SIPA1L2: variants seen among roughly 807,000 people sequenced by gnomAD.
SIPA1L2 encodes the protein signal induced proliferation associated 1 like 2, also known as signal-induced proliferation-associated 1-like protein 2.
A neutral mutation model predicts 163.9 loss-of-function variants in SIPA1L2; 56 were observed. The ratio of observed to expected loss-of-function variants is 0.34; its 90% CI spans 0.28 to 0.43. SIPA1L2 has a LOEUF of 0.43. Among genes scored for constraint, SIPA1L2 ranks in the 20% least tolerant of loss-of-function variants. The pLI, the probability that SIPA1L2 is intolerant of heterozygous loss-of-function variation, is 1.00. For synonymous variants in SIPA1L2, 877 were observed against 865.7 expected (o/e 1.01, Z -0.23); for missense variants, 1,974 against 2,193.5 (o/e 0.90, Z 2.00).
chr1:232,533,542 T>C (rs1657113450), intron 2 of SIPA1L2, among the ~76,000 whole-genome samples: 1 of 152,216 alleles, frequency 6.6e-6, no homozygotes, highest in African/African-American at 2.4e-5. Flanking sequence ...ATGGTGGATA[T>C]AAGGTTTCAG....
intron 3 of SIPA1L2, among the ~76,000 whole-genome samples, chr1:232,500,848 C>T (rs1206881763): frequency 4.6e-5 from 7 of 152,146 alleles, no homozygotes; most frequent in African/African-American, 9.6e-5. Flanking sequence ...TCGTATGTTA[C>T]GGAAAAATCT....
At chr1:232,529,002 A>T (rs1489507174) in intron 2 of SIPA1L2, among the ~76,000 whole-genome samples, 1 of 152,210 alleles carries the variant, frequency 6.6e-6, no homozygotes, top group Non-Finnish European at 1.5e-5. Flanking sequence ...CCCACTTTAT[A>T]AACCCAGAAG....
At chr1:232,507,314 G>A (rs571917826) in intron 3 of SIPA1L2, among the ~76,000 whole-genome samples, 79 of 152,202 alleles carry the variant, frequency 5.2e-4, no homozygotes, top group Non-Finnish European at 7.8e-4. Flanking sequence ...TATAGATTTG[G>A]AGAGGAAGCC....
At chr1:232,448,823 A>G (rs993601852) in intron 10 of SIPA1L2, among the ~76,000 whole-genome samples, 4 of 152,214 alleles carry the variant, frequency 2.6e-5, no homozygotes, top group African/African-American at 9.6e-5. Context: ...AGGTCCACAC[A>G]GCGCCTGGCC....
intron 14 of SIPA1L2, among the ~76,000 whole-genome samples, chr1:232,440,526 C>A (rs953009367): frequency 6.6e-6 from 1 of 152,200 alleles, no homozygotes; most frequent in Non-Finnish European, 1.5e-5. Flanking sequence ...TGACTCAAGA[C>A]AAGGTCGCGG....
rs34779799 is a variant in SIPA1L2 at position 232,528,102 on chromosome 1, A to ATATATATC, written c.-269-12495_-269-12494insGATATATA. Among the ~76,000 whole-genome samples the ATATATATC allele has an allele frequency of 8.8e-3, 1,048 of 118,528 alleles. 169 individuals are homozygous for ATATATATC. The highest frequency in any genetic ancestry group is 0.015 in the South Asian group (55 of 3,644). 77.8% of individuals were successfully genotyped at this position (118,528 alleles called of 152,430 possible). A position where few individuals can be genotyped will look rare whatever the true frequency, so the allele number is the denominator to read the frequency against. The stretch of plus-strand genomic sequence containing the variant: ...TTTATATATATATATATATATATAT[A>ATATATATC]ATCAACTTTCTAAAAACCACAGGTA... On this transcript the variant is annotated intron_variant, in intron 2 of 22. Coordinates refer to ENST00000674635, the MANE Select transcript of SIPA1L2 (RefSeq NM_020808.5).
intron 1 of SIPA1L2, among the ~76,000 whole-genome samples, chr1:232,579,160 G>A (rs546741765): frequency 2.1e-4 from 32 of 152,260 alleles, no homozygotes; most frequent in African/African-American, 7.7e-4. Context: ...TGTTTTCTCC[G>A]CAAAAGAAAG....
intron 1 of SIPA1L2, among the ~76,000 whole-genome samples, chr1:232,601,704 A>G (rs911177105): frequency 2.6e-5 from 4 of 152,200 alleles, no homozygotes; most frequent in Non-Finnish European, 5.9e-5. Context: ...CCAACACACC[A>G]AACGCCAAAA....
At chr1:232,434,486 G>C (rs1662434273) in intron 15 of SIPA1L2, among the ~76,000 whole-genome samples, 1 of 152,084 alleles carries the variant, frequency 6.6e-6, no homozygotes, top group African/African-American at 2.4e-5. Context: ...GTCTCGGGAA[G>C]ACGCTGCACT....
At chr1:232,462,306 C>T (rs1664282229) in intron 9 of SIPA1L2, 2 of 1,548,586 alleles carry the variant, frequency 1.3e-6, no homozygotes, top group Admixed American at 3.9e-5. Flanking sequence ...ATACTCCTAT[C>T]CCCAAAAGCC....
intron 2 of SIPA1L2, among the ~76,000 whole-genome samples, chr1:232,516,114 A>G (rs1256996527): frequency 6.6e-6 from 1 of 152,230 alleles, no homozygotes; most frequent in African/African-American, 2.4e-5. Context: ...CAGTATTATT[A>G]GTTTAGTTTC....
intron 19 of SIPA1L2, among the ~76,000 whole-genome samples, chr1:232,413,075 G>C (rs1329348169): frequency 6.6e-6 from 1 of 152,140 alleles, no homozygotes; most frequent in Non-Finnish European, 1.5e-5. Context: ...TCTTACTTCA[G>C]CTTAGAAATA....
At chr1:232,498,957 T>C (rs555102118) in intron 3 of SIPA1L2, among the ~76,000 whole-genome samples, 5 of 152,320 alleles carry the variant, frequency 3.3e-5, no homozygotes, top group African/African-American at 9.6e-5. Context: ...AATTCACTTA[T>C]TCAAATGTTG....
intron 2 of SIPA1L2, among the ~76,000 whole-genome samples, chr1:232,538,460 G>C (rs550287697): frequency 2.0e-5 from 3 of 152,126 alleles, no homozygotes; most frequent in East Asian, 1.9e-4. Flanking sequence ...TCAAAGCATC[G>C]TTCCACATGA....
chr1:232,464,766 TC>T, intron 9 of SIPA1L2, 73 bp downstream of exon 9: 1 of 1,198,474 alleles, frequency 8.3e-7, no homozygotes, highest in Non-Finnish European at 1.2e-6. Context: ...TGGTAGCAGT[TC>T]CCCAGTGAAA....
Position 232,518,430 on chromosome 1 carries a change from T to C in SIPA1L2, c.-269-2822A>G, listed in dbSNP as rs186345222. On this transcript the variant is annotated intron_variant, in intron 2 of 22. Coordinates refer to ENST00000674635, the MANE Select transcript of SIPA1L2 (RefSeq NM_020808.5). ...GTCCTGGGATGCAGCCCGGATCCCATCTCCTTGTAACTCCTCCCCTGAGAT... is the reference window on the plus strand; with the variant it reads ...GTCCTGGGATGCAGCCCGGATCCCACCTCCTTGTAACTCCTCCCCTGAGAT... Among the ~76,000 whole-genome samples, 611 of 152,236 alleles carry C rather than the reference T, an allele frequency of 4.0e-3. 5 individuals are homozygous for C. The highest frequency in any genetic ancestry group is 0.014 in the African/African-American group (585 of 41,558).
At chr1:232,630,172 C>T (rs923292755), upstream of SIPA1L2, among the ~76,000 whole-genome samples, 3 of 151,532 alleles carry the variant, frequency 2.0e-5, no homozygotes, top group African/African-American at 4.8e-5. Flanking sequence ...GCCCGCCCAG[C>T]GGCACCGCCC....
chr1:232,587,467 C>T (rs186285338), intron 1 of SIPA1L2, among the ~76,000 whole-genome samples: 1 of 152,156 alleles, frequency 6.6e-6, no homozygotes, highest in Non-Finnish European at 1.5e-5. Flanking sequence ...CCCTTAGGAT[C>T]CCCAAGGCTC....
At chr1:232,621,156 C>A (rs758933146) in intron 1 of SIPA1L2, among the ~76,000 whole-genome samples, 7 of 152,176 alleles carry the variant, frequency 4.6e-5, no homozygotes, top group Non-Finnish European at 1.0e-4. Context: ...GAATATATAA[C>A]CTGATTCAAT....
Sources: allele counts gnomAD v4.1 joint callset (sites outside exome capture counted in the v4.1 genomes callset), GRCh38; gene constraint gnomAD v4.1.1; transcripts MANE v1.5; gene names NCBI Gene and HGNC (gene_info 2026-07-23, HGNC 2026-07-21).